Variants in ROCK1 observed in about 807,000 individuals in gnomAD.
The protein encoded by ROCK1 is Rho associated coiled-coil containing protein kinase 1, also known as rho-associated protein kinase 1.
In ROCK1, 36 loss-of-function variants were observed where a neutral mutation model predicts 196.8. That is an observed-to-expected ratio of 0.18 (90% CI 0.14 to 0.24). ROCK1 has a LOEUF of 0.24. Among genes scored for constraint, ROCK1 ranks in the 10% least tolerant of loss-of-function variants. The pLI, the probability that ROCK1 is intolerant of heterozygous loss-of-function variation, is 1.00. For synonymous variants in ROCK1, 443 were observed against 515.9 expected, an observed-to-expected ratio of 0.86 and a Z score of 1.91; for missense variants, 920 against 1,562.0, an observed-to-expected ratio of 0.59 and a Z score of 6.93.
intron 8 of ROCK1, 86 bp from the exon 9 acceptor site, chr18:21,039,649 A>T (rs2036088034): frequency 2.2e-6 from 2 of 920,322 alleles, no homozygotes; most frequent in South Asian, 2.7e-5. Context: ...CAGGATATTA[A>T]ATCAGTGTAG....
intron 22 of ROCK1, among the ~76,000 whole-genome samples, chr18:20,973,312 CTG>C (rs1454787886): frequency 6.6e-6 from 1 of 151,190 alleles, no homozygotes; most frequent in Non-Finnish European, 1.5e-5. Context: ...GACTCAGTCT[CTG>C]TCGCCCAGGC....
At chr18:21,083,033 C>T (rs867637508) in intron 1 of ROCK1, among the ~76,000 whole-genome samples, 46 of 152,134 alleles carry the variant, frequency 3.0e-4, no homozygotes, top group African/African-American at 1.1e-3. Flanking sequence ...AAATCAGTTG[C>T]ATTTCTATAT....
chr18:21,040,185 C>T (rs1324843793), intron 8 of ROCK1, among the ~76,000 whole-genome samples: 1 of 152,212 alleles, frequency 6.6e-6, no homozygotes, highest in African/African-American at 2.4e-5. Context: ...ATTTTCTTGA[C>T]AGTTTTTTGT....
intron 16 of ROCK1, among the ~76,000 whole-genome samples, chr18:20,995,243 A>G (rs2035660650): frequency 6.6e-6 from 1 of 152,232 alleles, no homozygotes; most frequent in Non-Finnish European, 1.5e-5. Flanking sequence ...TAATTTGATC[A>G]TTACACATTG....
chr18:21,097,809 T>C (rs1199350795), intron 1 of ROCK1, among the ~76,000 whole-genome samples: 1 of 152,222 alleles, frequency 6.6e-6, no homozygotes, highest in Non-Finnish European at 1.5e-5. Context: ...ATTAATCTTA[T>C]TTGAAGGTGA....
At chr18:21,037,354 T>C (rs900578748) in intron 9 of ROCK1, among the ~76,000 whole-genome samples, 2 of 151,914 alleles carry the variant, frequency 1.3e-5, no homozygotes, top group Non-Finnish European at 2.9e-5. Flanking sequence ...GTGGTAAAAA[T>C]ACCAAAAAAA....
At chr18:21,022,160 C>CA (rs2035918882) in intron 11 of ROCK1, among the ~76,000 whole-genome samples, 2 of 151,824 alleles carry the variant, frequency 1.3e-5, no homozygotes, top group South Asian at 4.2e-4. Flanking sequence ...TGCCCCCCCA[C>CA]AAAAAAATGT....
intron 12 of ROCK1, among the ~76,000 whole-genome samples, chr18:21,018,741 T>C (rs1283152113): frequency 2.6e-5 from 4 of 152,158 alleles, no homozygotes; most frequent in African/African-American, 9.7e-5. Context: ...TGGTTAAAAG[T>C]GAGAATTTTA....
intron 29 of ROCK1, 30 bp downstream of exon 29, chr18:20,959,810 C>G: frequency 8.4e-7 from 1 of 1,190,086 alleles, no homozygotes; most frequent in Non-Finnish European, 1.2e-6. Context: ...AGCTCTCAAC[C>G]CCTTTAAAAT....
chr18:20,957,944 G>A (rs1316138025), intron 29 of ROCK1, among the ~76,000 whole-genome samples: 293 of 132,434 alleles, frequency 2.2e-3, no homozygotes, highest in East Asian at 0.018. Flanking sequence ...ACTGTGCCCA[G>A]CCACAAGTGA....
chr18:21,003,097 C>A (rs1206929143), intron 16 of ROCK1, among the ~76,000 whole-genome samples: 1 of 152,056 alleles, frequency 6.6e-6, no homozygotes, highest in African/African-American at 2.4e-5. Flanking sequence ...GTATTCTTGA[C>A]AAAGTCCTAC....
chr18:21,052,771 T>G (rs575184682), intron 2 of ROCK1, among the ~76,000 whole-genome samples: 10 of 152,000 alleles, frequency 6.6e-5, no homozygotes, highest in African/African-American at 2.2e-4. Flanking sequence ...GTGGAATAGT[T>G]TCATAAAACC....
rs2035982746 is a variant in ROCK1, at chr18:21,028,782, T to C, written c.1205A>G (p.Asn402Ser). The change falls in exon 10 of 33, where the codon AAT becomes AGT. Residue 402 changes from asparagine (N) to serine (S), a missense_variant. Asn to Ser is a conservative substitution (Grantham distance 46, BLOSUM62 1). Transcript: ENST00000399799. ...LPFVGFTYYSNRRYLSSANPN... is the reference protein window; with the variant it reads ...LPFVGFTYYSSRRYLSSANPN... ...CACTGTTTAGCATACTTACCTACGA[T>C]TGCTATAATATGTAAATCCTACAAA... 6.2e-7 allele frequency: 1 copy of C among 1,605,512 alleles called. No homozygotes were observed. Among genetic ancestry groups the C allele is most frequent in the Non-Finnish European group, 8.5e-7 (1 of 1,177,918 alleles).
intron 22 of ROCK1, among the ~76,000 whole-genome samples, chr18:20,978,389 C>T (rs2035499649): frequency 6.6e-6 from 1 of 152,110 alleles, no homozygotes; most frequent in Non-Finnish European, 1.5e-5. Flanking sequence ...GATTAAGCTT[C>T]TAAATCAGAA....
At chr18:21,010,995 G>A (rs2035811936) in intron 13 of ROCK1, among the ~76,000 whole-genome samples, 1 of 152,028 alleles carries the variant, frequency 6.6e-6, no homozygotes, top group African/African-American at 2.4e-5. Flanking sequence ...TTGCCAATAT[G>A]CTGCTTTCTT....
At chr18:21,080,170 A>G (rs1353096212) in intron 1 of ROCK1, among the ~76,000 whole-genome samples, 2 of 152,316 alleles carry the variant, frequency 1.3e-5, no homozygotes, top group East Asian at 1.9e-4. Context: ...CCTGGAGAAT[A>G]GAGAAAATCT....
intron 12 of ROCK1, 66 bp downstream of exon 12, chr18:21,020,085 T>C: frequency 3.3e-6 from 3 of 913,014 alleles, no homozygotes; most frequent in East Asian, 5.3e-5. Context: ...TTACAGGGTA[T>C]AAGCTTTCAA....
chr18:21,029,325 T>C (rs1428919490), intron 9 of ROCK1, among the ~76,000 whole-genome samples: 1 of 152,184 alleles, frequency 6.6e-6, no homozygotes, highest in Non-Finnish European at 1.5e-5. Context: ...TGTTTAGCTT[T>C]AAATATAGTA....
chr18:20,955,513 A>C (rs1335779845), intron 29 of ROCK1: 3 of 301,068 alleles, frequency 1.0e-5, no homozygotes, highest in Non-Finnish European at 1.8e-5. Context: ...ATAAAATTAC[A>C]CAGCCACTCT....
Sources: gnomAD v4.1 joint callset for allele counts (sites outside exome capture counted in the v4.1 genomes callset) on GRCh38, gnomAD v4.1.1 for gene constraint, MANE v1.5 for transcripts, NCBI Gene and HGNC (gene_info 2026-07-23, HGNC 2026-07-21) for gene names.